LEPR: variants seen among roughly 807,000 people sequenced by gnomAD.
LEPR encodes OB receptor.
LEPR carries 56 observed loss-of-function variants against 114.7 expected under a neutral mutation model. The ratio of observed to expected loss-of-function variants is 0.49; its 90% confidence interval spans 0.39 to 0.61. LEPR has a LOEUF of 0.61. Among genes scored for constraint, LEPR ranks in the 20% least tolerant of loss-of-function variants. LEPR has a pLI of 0.00. For synonymous variants in LEPR, 443 were observed against 461.4 expected, an observed-to-expected ratio of 0.96 and a Z score of 0.51; for missense variants, 1,202 against 1,352.9, an observed-to-expected ratio of 0.89 and a Z score of 1.75.
chr1:65,461,703 G>A (rs1049866367), intron 2 of LEPR, among the ~76,000 whole-genome samples: 6 of 152,304 alleles, frequency 3.9e-5, no homozygotes, highest in South Asian at 4.1e-4. Flanking sequence ...TGTGGGTTGC[G>A]CATACTGACT....
chr1:65,591,205 A>G (rs907193759), intron 5 of LEPR, among the ~76,000 whole-genome samples: 1 of 152,014 alleles, frequency 6.6e-6, no homozygotes, highest in African/African-American at 2.4e-5. Flanking sequence ...TGTGACTGGA[A>G]TCCTTTAAAA....
At chr1:65,464,676 G>T (rs1646987549) in intron 2 of LEPR, among the ~76,000 whole-genome samples, 1 of 152,092 alleles carries the variant, frequency 6.6e-6, no homozygotes, top group African/African-American at 2.4e-5. Flanking sequence ...TGGTTGATAG[G>T]CTATTAATTA....
intron 1 of LEPR, 112 bp downstream of exon 1, chr1:65,420,852 T>G: frequency 7.8e-7 from 1 of 1,288,506 alleles, no homozygotes; most frequent in Non-Finnish European, 1.1e-6. Context: ...TCACCACCCT[T>G]CCCGCCTCTC....
chr1:65,628,044 TA>T (rs1475126455), intron 19 of LEPR, among the ~76,000 whole-genome samples: 1 of 152,134 alleles, frequency 6.6e-6, no homozygotes, highest in Non-Finnish European at 1.5e-5. Context: ...ATAATTATGT[TA>T]ATCAAATGTG....
intron 2 of LEPR, among the ~76,000 whole-genome samples, chr1:65,543,608 C>A (rs553525629): frequency 6.6e-6 from 1 of 152,022 alleles, no homozygotes; most frequent in African/African-American, 2.4e-5. Flanking sequence ...TTAGGTCTTA[C>A]ATTTAAGTCT....
At chr1:65,471,310 A>G (rs1013870074) in intron 2 of LEPR, among the ~76,000 whole-genome samples, 1 of 152,196 alleles carries the variant, frequency 6.6e-6, no homozygotes, top group Non-Finnish European at 1.5e-5. Flanking sequence ...TCATACATTT[A>G]TGATAAGGGG....
intron 2 of LEPR, among the ~76,000 whole-genome samples, chr1:65,511,472 G>A (rs1221339395): frequency 6.8e-6 from 1 of 146,438 alleles, no homozygotes; most frequent in Non-Finnish European, 1.5e-5. Context: ...ACACACACAC[G>A]TGTATTTTTC....
intron 5 of LEPR, among the ~76,000 whole-genome samples, chr1:65,581,505 A>G (rs1157726181): frequency 6.7e-6 from 1 of 149,516 alleles, no homozygotes; most frequent in Non-Finnish European, 1.5e-5. Context: ...CTATATTAGC[A>G]CTATTTCTGC....
intron 16 of LEPR, among the ~76,000 whole-genome samples, chr1:65,618,962 G>A (rs1657707439): frequency 6.6e-6 from 1 of 152,134 alleles, no homozygotes; most frequent in Admixed American, 6.5e-5. Flanking sequence ...GCTAGGACTG[G>A]GTGACCTAGA....
intron 6 of LEPR, among the ~76,000 whole-genome samples, chr1:65,595,387 TA>T (rs1157707069): frequency 6.6e-6 from 1 of 152,116 alleles, no homozygotes; most frequent in Non-Finnish European, 1.5e-5. Flanking sequence ...ACTTTTACAG[TA>T]TGCAGATAGG....
At chr1:65,620,991 A>T (rs1208500494) in intron 17 of LEPR, among the ~76,000 whole-genome samples, 1 of 152,112 alleles carries the variant, frequency 6.6e-6, no homozygotes, top group Non-Finnish European at 1.5e-5. Flanking sequence ...AGTGAACAAG[A>T]TAGAGATTGG....
intron 10 of LEPR, among the ~76,000 whole-genome samples, chr1:65,602,197 C>G (rs974005236): frequency 3.0e-4 from 45 of 152,030 alleles, no homozygotes; most frequent in African/African-American, 1.1e-3. Flanking sequence ...TTCTGAAAAT[C>G]AATCAATTCT....
chr1:65,484,409 G>A (rs996616144), intron 2 of LEPR, among the ~76,000 whole-genome samples: 11 of 151,940 alleles, frequency 7.2e-5, no homozygotes, highest in South Asian at 6.2e-4. Context: ...TTAAAAAAGA[G>A]TTCGTTTATC....
At chr1:65,548,763 A>G (rs1025162730) in intron 2 of LEPR, among the ~76,000 whole-genome samples, 27 of 151,574 alleles carry the variant, frequency 1.8e-4, no homozygotes, top group Admixed American at 1.0e-3. Flanking sequence ...TCTTTATCCA[A>G]TTTTCCAGTC....
chr1:65,636,813 G>C lies in LEPR; in HGVS notation c.3296G>C (p.Arg1099Thr). The change falls in exon 20 of 20, where the codon AGG becomes ACG. Residue 1099 changes from arginine (R) to threonine (T), a missense_variant. Transcript: ENST00000349533. ...ESGVLLTDKS[R>T]VSCPFPAPCL... ...GGTGTGCTTTTGACTGACAAGTCAA[G>C]GGTATCGTGCCCATTCCCAGCCCCC... 6.2e-7 allele frequency: 1 copy of C among 1,614,002 alleles called. No homozygotes were observed. Among genetic ancestry groups the C allele is most frequent in the Non-Finnish European group, 8.5e-7 (1 of 1,179,972 alleles).
rs774506315 is a variant in LEPR, at chr1:65,633,103, A to G, written c.2674-3088A>G. ...GAAATCTTTTATCTTTTTCTTTGTGAGTGATTTTTTATTTTGCTTTCTTAT... is the reference window on the plus strand; with the variant it reads ...GAAATCTTTTATCTTTTTCTTTGTGGGTGATTTTTTATTTTGCTTTCTTAT... On this transcript the variant is annotated intron_variant, in intron 19 of 19. Coordinates refer to ENST00000349533, the MANE Select transcript of LEPR (RefSeq NM_002303.6). The surrounding 1 kb of genome is among the most constrained non-coding windows in gnomAD (Gnocchi z 4.1). The G allele has an allele frequency of 4.9e-6, 6 of 1,234,466 alleles. No individual in the cohort carries two copies. Among genetic ancestry groups the G allele is most frequent in the Middle Eastern group, 3.8e-4 (2 of 5,286 alleles). 76.5% of individuals were successfully genotyped at this position (1,234,466 alleles called of 1,614,324 possible). A position where few individuals can be genotyped will look rare whatever the true frequency, so the allele number is the denominator to read the frequency against.
At position 65,633,316 on chromosome 1, in the gene LEPR, A is replaced by G. The variant is rs1041313315; in HGVS notation, c.2674-2875A>G. 5 of 1,441,370 alleles carry G rather than the reference A, an allele frequency of 3.5e-6. No individual in the cohort carries two copies. Among genetic ancestry groups the G allele is most frequent in the African/African-American group, 1.4e-5 (1 of 69,756 alleles). The allele number at this position is 1,441,370 out of a possible 1,614,324, so 89.3% of individuals were successfully genotyped here. The stretch of plus-strand genomic sequence containing the variant: ...TCTGAGAGTTAACATATGGTGGATT[A>G]TGTTGATTTAGAACTTAAAATAGAT... On this transcript the variant is annotated intron_variant, in intron 19 of 19. Transcript: ENST00000349533. This position sits in a 1 kb window ranked among gnomAD's most constrained non-coding sequence, Gnocchi z 4.1.
At chr1:65,467,176 T>A (rs1647025172) in intron 2 of LEPR, among the ~76,000 whole-genome samples, 2 of 152,318 alleles carry the variant, frequency 1.3e-5, no homozygotes, top group Admixed American at 1.3e-4. Context: ...TTTATCTACC[T>A]TTGGTCTTTG....
At chr1:65,460,612 C>T (rs975713048) in intron 2 of LEPR, among the ~76,000 whole-genome samples, 7 of 152,240 alleles carry the variant, frequency 4.6e-5, no homozygotes, top group South Asian at 2.1e-4. Flanking sequence ...GGGCCATGCG[C>T]GATGGCTCAC....
Sources: gnomAD v4.1 joint callset for allele counts (sites outside exome capture counted in the v4.1 genomes callset) on GRCh38, gnomAD v4.1.1 for gene constraint, Gnocchi (gnomAD v3.1) non-coding constraint, MANE v1.5 for transcripts, NCBI Gene and HGNC (gene_info 2026-07-23, HGNC 2026-07-21) for gene names.